MKLN1: variants seen among roughly 807,000 people sequenced by gnomAD.
The protein encoded by MKLN1 is muskelin 1.
MKLN1 carries 18 observed loss-of-function variants against 99.0 expected under a neutral mutation model. The observed-to-expected ratio is 0.18, with a 90% confidence interval of 0.13 to 0.27. The LOEUF is 0.27. Ranked by LOEUF, MKLN1 falls within the 10% of genes least tolerant of loss-of-function variation. The pLI, the probability that MKLN1 is intolerant of heterozygous loss-of-function variation, is 1.00. For missense variants in MKLN1, 621 were observed against 875.9 expected, an observed-to-expected ratio of 0.71 and a Z score of 3.67; for synonymous variants, 288 against 293.2, an observed-to-expected ratio of 0.98 and a Z score of 0.18.
At chr7:131,364,847 A>C (rs536612044) in intron 1 of MKLN1, among the ~76,000 whole-genome samples, 6 of 152,278 alleles carry the variant, frequency 3.9e-5, no homozygotes, top group Non-Finnish European at 7.4e-5. Context: ...TTCTTTATCT[A>C]ATCTGTCACT....
At chr7:131,133,116 CT>C (rs959975078) in intron 1 of MKLN1, among the ~76,000 whole-genome samples, 5 of 151,666 alleles carry the variant, frequency 3.3e-5, no homozygotes. Context: ...GCCCAACCAG[CT>C]GTCTTGTGGG....
At chr7:131,226,030 C>T (rs536004791) in intron 3 of MKLN1, among the ~76,000 whole-genome samples, 2 of 151,636 alleles carry the variant, frequency 1.3e-5, no homozygotes, top group African/African-American at 2.4e-5. Context: ...TGCCTTCCCC[C>T]CTCCCTCCCT....
At chr7:131,143,065 C>G in intron 2 of MKLN1, 1 of 537,412 alleles carries the variant, frequency 1.9e-6, no homozygotes, top group East Asian at 7.1e-5. Flanking sequence ...GGAGTCCTCA[C>G]TAGTCTAGTT....
chr7:131,194,196 A>C (rs2116393344), intron 2 of MKLN1, among the ~76,000 whole-genome samples: 1 of 152,104 alleles, frequency 6.6e-6, no homozygotes, highest in East Asian at 1.9e-4. Flanking sequence ...TAGTATATTT[A>C]CAACATTGTA....
At chr7:131,431,716 C>G (rs544264486) in intron 9 of MKLN1, among the ~76,000 whole-genome samples, 104 of 152,256 alleles carry the variant, frequency 6.8e-4, no homozygotes, top group African/African-American at 2.3e-3. Context: ...ATAACAACAA[C>G]AATAATAAAA....
At chr7:131,155,425 A>C (rs10453014) in intron 2 of MKLN1, among the ~76,000 whole-genome samples, 4 of 152,214 alleles carry the variant, frequency 2.6e-5, no homozygotes, top group African/African-American at 9.6e-5. Flanking sequence ...GTAAACATAC[A>C]TATATCGTGA....
At chr7:131,192,093 T>A (rs1341341479) in intron 2 of MKLN1, among the ~76,000 whole-genome samples, 2 of 80,788 alleles carry the variant, frequency 2.5e-5, no homozygotes, top group African/African-American at 9.8e-5. Flanking sequence ...ATATTATATA[T>A]ATATGTATAT....
chr7:131,404,962 C>T (rs1266643741), intron 6 of MKLN1, among the ~76,000 whole-genome samples: 1 of 140,528 alleles, frequency 7.1e-6, no homozygotes, highest in African/African-American at 2.7e-5. Context: ...TTTCCAGTGT[C>T]TGAAGCTGTC....
intron 9 of MKLN1, among the ~76,000 whole-genome samples, chr7:131,429,985 T>C (rs1795476569): frequency 6.6e-6 from 1 of 152,248 alleles, no homozygotes; most frequent in Admixed American, 6.5e-5. Flanking sequence ...GGCTTAGGTT[T>C]ATGGCTTTGA....
rs750465350 is a variant in MKLN1 at position 131,389,098 on chromosome 7, C to T, written c.400+126C>T. The T allele has an allele frequency of 4.0e-5, 23 of 576,460 alleles. 1 individual carries two copies. Among genetic ancestry groups the T allele is most frequent in the South Asian group, 1.3e-4 (5 of 39,930 alleles). The allele number at this position is 576,460 out of a possible 1,614,324, so 35.7% of individuals were successfully genotyped here. A position where few individuals can be genotyped will look rare whatever the true frequency, so the allele number is the denominator to read the frequency against. On this transcript the variant is annotated intron_variant, in intron 4 of 17. Transcript: ENST00000352689. The stretch of plus-strand genomic sequence containing the variant: ...ATACAATTTTATGGGAATATTGCTG[C>T]GCTGGTTTGTTTACATATTGTCTGT...
chr7:131,180,698 C>CAA (rs35667474), intron 2 of MKLN1, among the ~76,000 whole-genome samples: 43 of 120,364 alleles, frequency 3.6e-4, no homozygotes, highest in Admixed American at 7.5e-4. Flanking sequence ...GACTTGGTCT[C>CAA]AAAAAAAAAA....
At chr7:131,209,792 T>C (rs2116428214) in intron 3 of MKLN1, among the ~76,000 whole-genome samples, 1 of 152,330 alleles carries the variant, frequency 6.6e-6, no homozygotes, top group South Asian at 2.1e-4. Context: ...GGGTGACTCA[T>C]TTCTGGCTAG....
chr7:131,247,872 TTTTTGTTTTG>T (rs149673100), intron 3 of MKLN1, among the ~76,000 whole-genome samples: 82 of 151,652 alleles, frequency 5.4e-4, no homozygotes, highest in African/African-American at 1.9e-3. Context: ...GCTACTGCCT[TTTTTGTTTTG>T]TTTTGTTTTG....
rs573750420 is a variant in MKLN1 at position 131,213,106 on chromosome 7, A to G, written c.-179+10132A>G. On this transcript the variant is annotated intron_variant, in intron 3 of 7. Coordinates refer to the MKLN1 transcript ENST00000416992. ...AAGTAACCATTATCTGGAAGTTGCA[A>G]TACGTGATTCCCATGCAACTTTTAT... 2.6e-5 allele frequency among the ~76,000 whole-genome samples: 4 copies of G among 152,210 alleles called. No homozygotes were observed. The East Asian group carries it at 5.8e-4, about 22-fold the overall frequency.
intron 3 of MKLN1, among the ~76,000 whole-genome samples, chr7:131,245,081 G>A (rs570758626): frequency 1.9e-4 from 29 of 152,254 alleles, no homozygotes; most frequent in African/African-American, 5.3e-4. Flanking sequence ...AAAGCCCAGT[G>A]ACATGATACT....
chr7:131,136,036 T>A (rs976493536), intron 1 of MKLN1, among the ~76,000 whole-genome samples: 4 of 152,180 alleles, frequency 2.6e-5, no homozygotes, highest in Admixed American at 6.5e-5. Context: ...TAGGGAGGGC[T>A]GTTTATGAGT....
At chr7:131,415,510 G>C (rs1351020516) in intron 8 of MKLN1, among the ~76,000 whole-genome samples, 4 of 152,098 alleles carry the variant, frequency 2.6e-5, no homozygotes, top group Non-Finnish European at 5.9e-5. Flanking sequence ...CATAATTTTT[G>C]TAAGAAGAGA....
chr7:131,388,793 A>T (rs1469017017), intron 3 of MKLN1, 91 bp from the exon 4 acceptor site: 1 of 778,766 alleles, frequency 1.3e-6, no homozygotes, highest in African/African-American at 1.8e-5. Flanking sequence ...GCATGAGTTT[A>T]AACTTAAAAC....
intron 9 of MKLN1, among the ~76,000 whole-genome samples, chr7:131,435,926 A>G (rs1795663174): frequency 6.6e-6 from 1 of 151,866 alleles, no homozygotes. Flanking sequence ...CTTGGTCATC[A>G]TTTTAATATT....
Sources: allele counts gnomAD v4.1 joint callset (sites outside exome capture counted in the v4.1 genomes callset), GRCh38; gene constraint gnomAD v4.1.1; transcripts MANE v1.5; gene names NCBI Gene and HGNC (gene_info 2026-07-23, HGNC 2026-07-21).